Variants in ERICH6B observed in about 807,000 individuals in gnomAD.
The protein encoded by ERICH6B is glutamate rich 6B.
In ERICH6B, 69 loss-of-function variants were observed where a neutral mutation model predicts 80.0. That is an observed-to-expected ratio of 0.86 (90% confidence interval 0.71 to 1.05). The LOEUF (loss-of-function observed/expected upper bound fraction) is 1.05. Ranked by LOEUF, ERICH6B falls within the 50% of genes least tolerant of loss-of-function variation. The probability of loss-of-function intolerance (pLI) is 0.00; values close to 1 mark genes in which losing one functional copy is unlikely to be tolerated. For missense variants in ERICH6B, 754 were observed against 796.1 expected (o/e 0.95, Z 0.64); for synonymous variants, 283 against 291.9 (o/e 0.97, Z 0.31).
intron 2 of ERICH6B, among the ~76,000 whole-genome samples, chr13:45,604,201 C>A (rs1949843870): frequency 6.6e-6 from 1 of 152,228 alleles, no homozygotes; most frequent in Admixed American, 6.5e-5. Context: ...GTTTGGAGCA[C>A]CCACTCCAAA....
At chr13:45,593,473 C>T (rs1201534440) in intron 3 of ERICH6B, among the ~76,000 whole-genome samples, 2 of 152,158 alleles carry the variant, frequency 1.3e-5, no homozygotes. Flanking sequence ...ATGTGTCTGG[C>T]ATATTTCTTA....
At chr13:45,563,922 C>T (rs371971843) in intron 9 of ERICH6B, 134 bp from the exon 10 acceptor site, 9 of 694,024 alleles carry the variant, frequency 1.3e-5, no homozygotes, top group African/African-American at 7.2e-5. Flanking sequence ...GCTTTGCTTT[C>T]TAGGCCAGCT....
chr13:45,582,738 AC>A (rs1875725967), intron 5 of ERICH6B, among the ~76,000 whole-genome samples: 2 of 152,336 alleles, frequency 1.3e-5, no homozygotes, highest in South Asian at 4.1e-4. Context: ...ACATCATCTT[AC>A]AGTAGCACCC....
chr13:45,579,631 C>G (rs1463171532), intron 7 of ERICH6B, among the ~76,000 whole-genome samples: 1 of 152,212 alleles, frequency 6.6e-6, no homozygotes, highest in Non-Finnish European at 1.5e-5. Context: ...AACCCTGCTT[C>G]CAGGGCCTCA....
At chr13:45,604,710 A>AAAC (rs1229703641) in intron 2 of ERICH6B, among the ~76,000 whole-genome samples, 2 of 152,156 alleles carry the variant, frequency 1.3e-5, no homozygotes, top group Non-Finnish European at 2.9e-5. Context: ...ACAAACAAAC[A>AAAC]AACAAAACAC....
At chr13:45,578,790 C>T (rs903392562) in intron 7 of ERICH6B, among the ~76,000 whole-genome samples, 2 of 152,182 alleles carry the variant, frequency 1.3e-5, no homozygotes, top group Admixed American at 6.5e-5. Flanking sequence ...CGGTGGCTCA[C>T]GCCTATAATC....
At chr13:45,569,255 A>G (rs1489584890) in intron 8 of ERICH6B, among the ~76,000 whole-genome samples, 1 of 152,096 alleles carries the variant, frequency 6.6e-6, no homozygotes, top group Non-Finnish European at 1.5e-5. Flanking sequence ...CCTCCTGAGT[A>G]GCTGGGATCA....
At chr13:45,575,571 T>A (rs547265357) in intron 7 of ERICH6B, among the ~76,000 whole-genome samples, 3 of 152,284 alleles carry the variant, frequency 2.0e-5, no homozygotes, top group Admixed American at 2.0e-4. Flanking sequence ...CACTTGGAAA[T>A]TTCAAGAAAT....
At chr13:45,546,636 C>T (rs1273234144) in intron 13 of ERICH6B, among the ~76,000 whole-genome samples, 3 of 152,172 alleles carry the variant, frequency 2.0e-5, no homozygotes, top group Non-Finnish European at 4.4e-5. Context: ...ATATACCTGT[C>T]TTGCATCTAC....
rs966925774 is a variant in ERICH6B at position 45,587,928 on chromosome 13, G to T, written c.687-696C>A. Among the ~76,000 whole-genome samples the T allele has an allele frequency of 2.6e-5, 4 of 152,310 alleles. No homozygotes were observed. The East Asian group carries it at 7.7e-4, about 29-fold the overall frequency. ...CAACTGGCCCAATTGGCAGAGATGG[G>T]ACAAGGAAAGATGCCTAACATATAA... On this transcript the variant is annotated intron_variant, in intron 4 of 14. Transcript: ENST00000298738.
At chr13:45,613,107 C>T (rs146846497) in intron 1 of ERICH6B, among the ~76,000 whole-genome samples, 70 of 152,200 alleles carry the variant, frequency 4.6e-4, no homozygotes, top group African/African-American at 1.6e-3. Context: ...ACATGTTATC[C>T]TATGTTGGAC....
chr13:45,542,423 C>T (rs1264891168), intron 14 of ERICH6B, among the ~76,000 whole-genome samples: 1 of 152,188 alleles, frequency 6.6e-6, no homozygotes, highest in African/African-American at 2.4e-5. Flanking sequence ...CGTGGGCTGA[C>T]CCTGTGCCAG....
chr13:45,602,104 C>T (rs1028052239), intron 2 of ERICH6B, among the ~76,000 whole-genome samples: 7 of 152,204 alleles, frequency 4.6e-5, no homozygotes, highest in Admixed American at 2.6e-4. Context: ...GCTCCAAGGA[C>T]TGTCTGCAGC....
At chr13:45,609,884 G>A (rs1358386100) in intron 1 of ERICH6B, among the ~76,000 whole-genome samples, 1 of 152,256 alleles carries the variant, frequency 6.6e-6, no homozygotes, top group African/African-American at 2.4e-5. Flanking sequence ...TCATGGGAGT[G>A]AAGGAGATCT....
At chr13:45,546,987 G>A (rs959100487) in intron 13 of ERICH6B, among the ~76,000 whole-genome samples, 4 of 152,130 alleles carry the variant, frequency 2.6e-5, no homozygotes, top group Admixed American at 6.5e-5. Flanking sequence ...TAAGTAAGAG[G>A]CTATATACAT....
intron 5 of ERICH6B, among the ~76,000 whole-genome samples, chr13:45,585,851 A>G (rs938134020): frequency 1.3e-5 from 2 of 152,352 alleles, no homozygotes; most frequent in East Asian, 1.9e-4. Flanking sequence ...TGAAGGGCCA[A>G]TGAAACAATG....
chr13:45,568,883 A>G lies in ERICH6B; in HGVS notation c.1051-432T>C, dbSNP rs1029199668. 2.6e-5 allele frequency among the ~76,000 whole-genome samples: 4 copies of G among 152,160 alleles called. No individual in the cohort carries two copies. The South Asian group carries it at 8.3e-4, about 32-fold the overall frequency. On this transcript the variant is annotated intron_variant, in intron 8 of 14. Coordinates refer to ENST00000298738, the MANE Select transcript of ERICH6B (RefSeq NM_182542.3). ...TTTTTAAACATCAACATGCCAAAAAATCTTTGGAGAACATACAATTATCTT... is the reference window on the plus strand; with the variant it reads ...TTTTTAAACATCAACATGCCAAAAAGTCTTTGGAGAACATACAATTATCTT...
At chr13:45,566,356 C>T (rs968353218) in intron 9 of ERICH6B, among the ~76,000 whole-genome samples, 23 of 152,200 alleles carry the variant, frequency 1.5e-4, no homozygotes, top group Non-Finnish European at 1.5e-5. Flanking sequence ...AATGTTAATC[C>T]CCAAGACAAT....
Position 45,550,198 on chromosome 13 carries a change from T to C in ERICH6B, c.1493+33A>G, listed in dbSNP as rs531085598. 44 of 1,544,936 alleles carry C rather than the reference T, an allele frequency of 2.8e-5. No homozygotes were observed. The African/African-American group carries it at 5.9e-4, about 21-fold the overall frequency. ...TAGACATTTTAGGTGCCAATATATG[T>C]CAATACGAGCATCCCTGTGCTTCTG... On this transcript the variant is annotated intron_variant, in intron 12 of 14. Transcript: ENST00000298738.
Sources: gnomAD v4.1 joint callset for allele counts (sites outside exome capture counted in the v4.1 genomes callset) on GRCh38, gnomAD v4.1.1 for gene constraint, MANE v1.5 for transcripts, NCBI Gene and HGNC (gene_info 2026-07-23, HGNC 2026-07-21) for gene names.